The following TBL1X variants were observed in gnomAD, a reference collection of about 807,000 sequenced individuals.
The protein encoded by TBL1X is transducin beta like 1 X-linked.
Under a neutral mutation model 50.7 loss-of-function variants are expected in TBL1X, and 10 were observed. That is an observed-to-expected ratio of 0.20 (90% CI 0.12 to 0.33). The LOEUF is 0.33. Among genes scored for constraint, TBL1X ranks in the 10% least tolerant of loss-of-function variants. TBL1X has a pLI of 1.00. For missense variants in TBL1X, 340 were observed against 504.4 expected (o/e 0.67, Z 3.12); for synonymous variants, 190 against 214.7 (o/e 0.88, Z 1.01).
intron 3 of TBL1X, among the ~76,000 whole-genome samples, chrX:9,642,889 C>T (rs1310471341): frequency 8.9e-6 from 1 of 112,462 alleles, no homozygotes; most frequent in Non-Finnish European, 1.9e-5. Flanking sequence ...CTGACCCTAA[C>T]CTAGAGGAAC....
At chrX:9,544,510 A>C (rs1242999092) in intron 2 of TBL1X, among the ~76,000 whole-genome samples, 2 of 111,519 alleles carry the variant, frequency 1.8e-5, no homozygotes, top group Non-Finnish European at 3.8e-5. Context: ...AACGACAGTG[A>C]ACATTCATTT....
intron 5 of TBL1X, among the ~76,000 whole-genome samples, chrX:9,661,536 AAG>A (rs2082898668): frequency 9.0e-6 from 1 of 111,248 alleles, no homozygotes; most frequent in African/African-American, 3.3e-5. Flanking sequence ...AAAAAAAAGA[AAG>A]AGTCTTGCTG....
At chrX:9,634,907 G>C (rs1425225071) in intron 2 of TBL1X, among the ~76,000 whole-genome samples, 1 of 111,785 alleles carries the variant, frequency 8.9e-6, no homozygotes, top group Non-Finnish European at 1.9e-5. Flanking sequence ...TGGCTGAGAA[G>C]GCCCCTTGCC....
intron 1 of TBL1X, among the ~76,000 whole-genome samples, chrX:9,472,246 C>G (rs1204967120): frequency 9.8e-6 from 1 of 102,267 alleles, no homozygotes; most frequent in African/African-American, 3.6e-5. Flanking sequence ...TACATGGTGC[C>G]ATTTTATTCC....
chrX:9,513,442 T>C (rs776967534), intron 2 of TBL1X, among the ~76,000 whole-genome samples: 1 of 111,892 alleles, frequency 8.9e-6, no homozygotes, highest in African/African-American at 3.2e-5. Context: ...CCTCTTTGCA[T>C]GTCCTAAGAG....
intron 2 of TBL1X, among the ~76,000 whole-genome samples, chrX:9,534,558 A>G (rs763077062): frequency 1.8e-5 from 2 of 110,382 alleles, no homozygotes; most frequent in Non-Finnish European, 3.8e-5. Context: ...ACAGTTCTTA[A>G]TACCCTAATT....
intron 2 of TBL1X, among the ~76,000 whole-genome samples, chrX:9,618,339 A>G (rs1462505173): frequency 8.9e-6 from 1 of 111,753 alleles, no homozygotes; most frequent in South Asian, 3.8e-4. Context: ...AGGTAGAGGT[A>G]GGTGAGGAAC....
At chrX:9,715,062 T>G in intron 17 of TBL1X, 59 bp downstream of exon 17, 1 of 1,082,096 alleles carries the variant, frequency 9.2e-7, no homozygotes, top group African/African-American at 1.8e-5. Context: ...GATGCCTAAG[T>G]GAGCTTCCAG....
intron 2 of TBL1X, among the ~76,000 whole-genome samples, chrX:9,553,205 C>T (rs1194674158): frequency 5.4e-5 from 6 of 110,773 alleles, no homozygotes; most frequent in Admixed American, 9.5e-5. Context: ...TGGGTGGGCC[C>T]AGAGCAATCA....
intron 5 of TBL1X, among the ~76,000 whole-genome samples, chrX:9,673,048 C>G (rs752976284): frequency 9.0e-6 from 1 of 111,677 alleles, no homozygotes; most frequent in Non-Finnish European, 1.9e-5. Flanking sequence ...TCTGGGGTCT[C>G]TTGTATAAGG....
intron 2 of TBL1X, among the ~76,000 whole-genome samples, chrX:9,603,784 G>T (rs770883601): frequency 1.8e-5 from 2 of 111,351 alleles, no homozygotes; most frequent in Non-Finnish European, 3.8e-5. Context: ...GGGGTCCGCA[G>T]GGCCCAGCTA....
intron 2 of TBL1X, among the ~76,000 whole-genome samples, chrX:9,508,045 T>C (rs1377405834): frequency 8.9e-6 from 1 of 112,449 alleles, no homozygotes; most frequent in Non-Finnish European, 1.9e-5. Context: ...TAAGAGTTCA[T>C]GACTAAAACA....
chrX:9,615,360 A>G (rs1462883226), intron 2 of TBL1X, among the ~76,000 whole-genome samples: 1 of 111,896 alleles, frequency 8.9e-6, no homozygotes, highest in Non-Finnish European at 1.9e-5. Flanking sequence ...GTACCCATGT[A>G]AAATTCAGTA....
chrX:9,637,417 G>GT (rs2082753428), intron 2 of TBL1X: 1 of 112,220 alleles, frequency 8.9e-6, no homozygotes, highest in Non-Finnish European at 1.9e-5. Flanking sequence ...CTGTATTAAC[G>GT]TGTGTGATCA....
At chrX:9,677,461 C>T (rs1314939759) in intron 5 of TBL1X, among the ~76,000 whole-genome samples, 1 of 109,691 alleles carries the variant, frequency 9.1e-6, no homozygotes, top group Admixed American at 9.9e-5. Flanking sequence ...AAGTTGTTTA[C>T]CTCTCATAAG....
intron 2 of TBL1X, among the ~76,000 whole-genome samples, chrX:9,515,505 C>T (rs184356008): frequency 8.9e-6 from 1 of 112,140 alleles, no homozygotes; most frequent in Non-Finnish European, 1.9e-5. Flanking sequence ...AGGTGGCAGC[C>T]CTTGACCTCA....
At chrX:9,479,552 A>G (rs185880871) in intron 1 of TBL1X, among the ~76,000 whole-genome samples, 32 of 112,887 alleles carry the variant, frequency 2.8e-4, no homozygotes, top group African/African-American at 9.3e-4. Flanking sequence ...TGATCTTTCA[A>G]AAATAAGGAC....
intron 2 of TBL1X, among the ~76,000 whole-genome samples, chrX:9,538,765 C>T (rs1265832324): frequency 2.7e-5 from 3 of 112,604 alleles, no homozygotes; most frequent in Non-Finnish European, 3.8e-5. Flanking sequence ...AAGGTGTTTC[C>T]GTTCTCTGAT....
chrX:9,582,598 A>G (rs932090791), intron 2 of TBL1X, among the ~76,000 whole-genome samples: 1 of 112,749 alleles, frequency 8.9e-6, no homozygotes, highest in Admixed American at 9.4e-5. Context: ...AAGAAACTCA[A>G]TTGCATGGTT....
Sources: allele counts gnomAD v4.1 joint callset (sites outside exome capture counted in the v4.1 genomes callset), GRCh38; gene constraint gnomAD v4.1.1; transcripts MANE v1.5; gene names NCBI Gene and HGNC (gene_info 2026-07-23, HGNC 2026-07-21).